The following FRMD5 variants were observed in gnomAD, a reference collection of about 807,000 sequenced individuals.
FRMD5 encodes FERM domain containing 5.
FRMD5 carries 20 observed loss-of-function variants against 69.0 expected under a neutral mutation model. That is an observed-to-expected ratio of 0.29 (90% CI 0.20 to 0.42). The LOEUF (loss-of-function observed/expected upper bound fraction) is 0.42, where lower values mean the gene tolerates loss of function less well. Among genes scored for constraint, FRMD5 ranks in the 10% least tolerant of loss-of-function variants. The pLI, the probability that FRMD5 is intolerant of heterozygous loss-of-function variation, is 1.00. For missense variants in FRMD5, 595 were observed against 708.6 expected, an observed-to-expected ratio of 0.84 and a Z score of 1.82; for synonymous variants, 271 against 260.1, an observed-to-expected ratio of 1.04 and a Z score of -0.40.
intron 13 of FRMD5, among the ~76,000 whole-genome samples, chr15:43,878,660 T>G (rs1595472248): frequency 6.6e-6 from 1 of 152,180 alleles, no homozygotes; most frequent in Non-Finnish European, 1.5e-5. Flanking sequence ...TCCCAGGCAG[T>G]CCTCAGCCCC....
At chr15:43,943,321 C>G (rs1270426707) in intron 1 of FRMD5, among the ~76,000 whole-genome samples, 1 of 152,184 alleles carries the variant, frequency 6.6e-6, no homozygotes, top group Non-Finnish European at 1.5e-5. Context: ...CTCAAGTGAT[C>G]CTCCTGCCTT....
At chr15:43,973,898 T>G (rs1018527959) in intron 1 of FRMD5, among the ~76,000 whole-genome samples, 1 of 151,212 alleles carries the variant, frequency 6.6e-6, no homozygotes, top group Non-Finnish European at 1.5e-5. Flanking sequence ...CTCAATCTTC[T>G]ACTTGTACAG....
intron 1 of FRMD5, among the ~76,000 whole-genome samples, chr15:44,062,613 C>T (rs144539919): frequency 4.7e-5 from 7 of 149,792 alleles, no homozygotes; most frequent in African/African-American, 1.7e-4. Context: ...CTGCTTGAAC[C>T]TGGGAGGCAG....
intron 1 of FRMD5, among the ~76,000 whole-genome samples, chr15:44,044,159 CAT>C (rs1382639230): frequency 6.6e-6 from 1 of 152,030 alleles, no homozygotes; most frequent in Non-Finnish European, 1.5e-5. Context: ...GGCCAACAAA[CAT>C]ATGAAAAAAA....
chr15:43,916,790 T>A (rs2089396416), intron 4 of FRMD5, among the ~76,000 whole-genome samples: 1 of 151,862 alleles, frequency 6.6e-6, no homozygotes, highest in African/African-American at 2.4e-5. Flanking sequence ...TTTTTTTTTT[T>A]TTTTTGAGAC....
intron 1 of FRMD5, among the ~76,000 whole-genome samples, chr15:44,156,173 T>C (rs1007582135): frequency 6.6e-6 from 1 of 152,078 alleles, no homozygotes; most frequent in African/African-American, 2.4e-5. Flanking sequence ...AGACAGAGTC[T>C]CGCTCTGTCA....
intron 1 of FRMD5, among the ~76,000 whole-genome samples, chr15:44,076,518 C>T (rs954197209): frequency 1.3e-5 from 2 of 150,012 alleles, no homozygotes; most frequent in African/African-American, 4.9e-5. Context: ...TAAACTATCG[C>T]AAGAACAAAA....
At chr15:44,113,822 C>A (rs536252613) in intron 1 of FRMD5, among the ~76,000 whole-genome samples, 2 of 152,262 alleles carry the variant, frequency 1.3e-5, no homozygotes, top group Non-Finnish European at 2.9e-5. Flanking sequence ...AATCACGACA[C>A]ACTCGCAGAT....
Position 43,874,198 on chromosome 15 carries a change from G to T in FRMD5, c.1400C>A (p.Pro467Gln). 6.2e-7 allele frequency: 1 copy of T among 1,614,218 alleles called. No individual in the cohort carries two copies. Among genetic ancestry groups the T allele is most frequent in the Non-Finnish European group, 8.5e-7 (1 of 1,180,044 alleles). Residue 467 changes from proline (P) to glutamine (Q), a missense_variant, in exon 14 of 14, where the codon CCA becomes CAA. By Grantham distance (76) the Pro-to-Gln change is moderately conservative (BLOSUM62 -1). This residue lies in a region of FRMD5 where 245 missense variants were observed against 227.1 expected (regional missense o/e 1.08). Transcript: ENST00000417257. ...EEEKESEAST[P>Q]TATEVEALGG... ...AAGGGCCTCCACCTCTGTAGCAGTT[G>T]GGGTGCTGGCTTCAGATTCCTTCTC...
intron 1 of FRMD5, among the ~76,000 whole-genome samples, chr15:44,185,182 T>G (rs548988381): frequency 2.6e-5 from 4 of 152,366 alleles, no homozygotes; most frequent in African/African-American, 9.6e-5. Flanking sequence ...ACTCCTCTCC[T>G]GGTTTTTTTA....
At chr15:43,883,255 G>A (rs1026647671) in intron 13 of FRMD5, among the ~76,000 whole-genome samples, 8 of 151,852 alleles carry the variant, frequency 5.3e-5, no homozygotes, top group African/African-American at 7.3e-5. Context: ...GTGCCACCAC[G>A]CCCAGCTAGT....
chr15:44,137,501 T>C (rs928418497), intron 1 of FRMD5, among the ~76,000 whole-genome samples: 2 of 152,088 alleles, frequency 1.3e-5, no homozygotes, highest in African/African-American at 4.8e-5. Context: ...GTAAATATGA[T>C]TAATGGAATC....
At chr15:43,914,582 C>T (rs2089348526) in intron 4 of FRMD5, among the ~76,000 whole-genome samples, 1 of 152,052 alleles carries the variant, frequency 6.6e-6, no homozygotes, top group Non-Finnish European at 1.5e-5. Flanking sequence ...ACCTGGAGTC[C>T]TGTTAATGGA....
At chr15:44,190,133 T>G (rs1398239973) in intron 1 of FRMD5, among the ~76,000 whole-genome samples, 1 of 152,232 alleles carries the variant, frequency 6.6e-6, no homozygotes, top group African/African-American at 2.4e-5. Flanking sequence ...CTCCATGATA[T>G]TCACTTCTTT....
At chr15:44,109,255 T>C (rs2076764089) in intron 1 of FRMD5, among the ~76,000 whole-genome samples, 1 of 152,076 alleles carries the variant, frequency 6.6e-6, no homozygotes, top group Admixed American at 6.5e-5. Context: ...TTTTCTTATA[T>C]ATCTTGATCT....
At chr15:44,023,952 T>C (rs1416144245) in intron 1 of FRMD5, among the ~76,000 whole-genome samples, 1 of 152,134 alleles carries the variant, frequency 6.6e-6, no homozygotes, top group African/African-American at 2.4e-5. Context: ...TAACAAGACC[T>C]GCCTTGCAAG....
intron 1 of FRMD5, among the ~76,000 whole-genome samples, chr15:44,021,579 G>A (rs895081986): frequency 6.6e-6 from 1 of 152,116 alleles, no homozygotes; most frequent in African/African-American, 2.4e-5. Flanking sequence ...AATCATTAGG[G>A]AAATGCAAAT....
chr15:44,195,569 G>C (rs1036857875), upstream of FRMD5, among the ~76,000 whole-genome samples: 39 of 152,304 alleles, frequency 2.6e-4, no homozygotes, highest in African/African-American at 9.4e-4. Flanking sequence ...GATGTCTGCC[G>C]CCTGAAATAC....
intron 1 of FRMD5, among the ~76,000 whole-genome samples, chr15:43,959,166 A>T (rs1343803472): frequency 6.6e-6 from 1 of 152,216 alleles, no homozygotes; most frequent in East Asian, 1.9e-4. Flanking sequence ...CAATTCCTCT[A>T]AACAGAGCCA....
Sources: gnomAD v4.1 joint callset for allele counts (sites outside exome capture counted in the v4.1 genomes callset) on GRCh38, gnomAD v4.1.1 for gene constraint, gnomAD v4.1.1 regional missense constraint, MANE v1.5 for transcripts, NCBI Gene and HGNC (gene_info 2026-07-23, HGNC 2026-07-21) for gene names.